The following ERMAP variants were observed in gnomAD, a reference collection of about 807,000 sequenced individuals.
ERMAP encodes erythroid membrane-associated protein.
A neutral mutation model predicts 49.5 loss-of-function variants in ERMAP; 34 were observed. The observed-to-expected ratio is 0.69, with a 90% CI of 0.52 to 0.91. The LOEUF (loss-of-function observed/expected upper bound fraction) is 0.91, where lower values mean the gene tolerates loss of function less well. ERMAP is among the 40% of genes least tolerant of loss of function. ERMAP has a pLI of 0.00. For synonymous variants in ERMAP, 214 were observed against 232.2 expected, an observed-to-expected ratio of 0.92 and a Z score of 0.71; for missense variants, 541 against 582.6, an observed-to-expected ratio of 0.93 and a Z score of 0.74.
chr1:42,830,918 T>C lies in ERMAP; in HGVS notation c.236T>C (p.Ile79Thr), dbSNP rs758090366. 9.3e-6 allele frequency: 15 copies of C among 1,614,146 alleles called. No individual in the cohort carries two copies. The East Asian group carries it at 3.3e-4, about 36-fold the overall frequency. ...CCGCAGCGCTCCCAGGCTGTTCACA[T>C]ATTCCGGGATGGGAAGGACCAGGAT... ...PFPQRSQAVH[I>T]FRDGKDQDED... is the part of the protein sequence containing the mutation. Residue 79 changes from isoleucine (I) to threonine (T), a missense_variant, in exon 4 of 12, where the codon ATA becomes ACA. Ile to Thr is a moderately conservative substitution (Grantham distance 89, BLOSUM62 -1). Coordinates refer to ENST00000372517, the MANE Select transcript of ERMAP (RefSeq NM_001017922.2).
intron 11 of ERMAP, among the ~76,000 whole-genome samples, chr1:42,840,646 C>G (rs1655032567): frequency 6.6e-6 from 1 of 152,080 alleles, no homozygotes; most frequent in South Asian, 2.1e-4. Context: ...TTTGTGAAGA[C>G]TCTTTCTAGA....
intron 11 of ERMAP, 43 bp downstream of exon 11, chr1:42,840,339 C>T: frequency 6.2e-7 from 1 of 1,612,412 alleles, no homozygotes; most frequent in Non-Finnish European, 8.5e-7. Flanking sequence ...CAGAGCACTT[C>T]CTCCTTATGG....
At position 42,819,004 on chromosome 1, in the gene ERMAP, A is replaced by T. The variant is rs1377395523; in HGVS notation, c.-122+1751A>T. On this transcript the variant is annotated intron_variant, in intron 1 of 11. Transcript: ENST00000372517. This position sits in a 1 kb window ranked among gnomAD's most constrained non-coding sequence, Gnocchi z 5.1. ...ACTAGATTACAGCTGAAGACACGGC[A>T]GGACCTTTAGAAGCCAGCTAAAAAC... 6.6e-6 allele frequency among the ~76,000 whole-genome samples: 1 copy of T among 152,212 alleles called. No homozygotes were observed. Among genetic ancestry groups the T allele is most frequent in the African/African-American group, 2.4e-5 (1 of 41,466 alleles).
intron 2 of ERMAP, among the ~76,000 whole-genome samples, chr1:42,826,974 G>A (rs923020213): frequency 2.6e-5 from 4 of 151,862 alleles, no homozygotes; most frequent in African/African-American, 4.8e-5. Flanking sequence ...TTATAATAGC[G>A]ATGTATTGGA....
At chr1:42,833,243 A>G (rs1329275133) in intron 4 of ERMAP, among the ~76,000 whole-genome samples, 1 of 152,250 alleles carries the variant, frequency 6.6e-6, no homozygotes, top group African/African-American at 2.4e-5. Context: ...AATTCTAAGA[A>G]TAAAGCATAT....
At position 42,843,164 on chromosome 1, in the gene ERMAP, GAT is replaced by G; in HGVS notation, c.1364_1365del (p.Ile455AsnfsTer7). 3 of 1,613,952 alleles carry G rather than the reference GAT, an allele frequency of 1.9e-6. No homozygotes were observed. Among genetic ancestry groups the G allele is most frequent in the Non-Finnish European group, 2.5e-6 (3 of 1,179,960 alleles). Reference sequence around the variant, plus strand: ...ACCCCCGAAGGCCCCAGAGCTGAAGGATATAATCCTGTCCTTGCCCCCTGACC... The same window carrying G: ...ACCCCCGAAGGCCCCAGAGCTGAAGGATAATCCTGTCCTTGCCCCCTGACC... ...LLPPKAPELKDIILSLPPDLG... is the reference protein window; with the variant it reads ...LLPPKAPELKXIILSLPPDLG... On this transcript the variant is annotated frameshift_variant, in exon 12 of 12. Transcript: ENST00000372517. LOFTEE classifies it high-confidence loss of function.
chr1:42,833,615 G>A (rs1018729218), intron 4 of ERMAP, among the ~76,000 whole-genome samples: 1 of 152,144 alleles, frequency 6.6e-6, no homozygotes, highest in Admixed American at 6.5e-5. Context: ...AGGGTGCAAT[G>A]AACATCTTTG....
At chr1:42,818,380 AG>A (rs745428270) in intron 1 of ERMAP, among the ~76,000 whole-genome samples, 122 of 152,378 alleles carry the variant, frequency 8.0e-4, no homozygotes, top group Non-Finnish European at 1.3e-3. Flanking sequence ...AGTGGCTAGG[AG>A]AGAGGGAAAA....
intron 1 of ERMAP, 89 bp downstream of exon 1, chr1:42,817,342 G>GCGCAGGGC (rs1265445024): frequency 2.2e-6 from 2 of 905,186 alleles, no homozygotes; most frequent in East Asian, 1.1e-4. Flanking sequence ...GGGGGGAGGG[G>GCGCAGGGC]CGCAGGGCCG....
At chr1:42,831,573 CTCTT>C (rs1557609266) in intron 4 of ERMAP, among the ~76,000 whole-genome samples, 2 of 29,390 alleles carry the variant, frequency 6.8e-5, no homozygotes, top group Non-Finnish European at 1.3e-4. Context: ...TTTTTTTTTT[CTCTT>C]TTTTTTTTTT....
At chr1:42,831,577 T>TTC (rs1557609306) in intron 4 of ERMAP, among the ~76,000 whole-genome samples, 2 of 71,348 alleles carry the variant, frequency 2.8e-5, no homozygotes, top group Non-Finnish European at 2.4e-5. Flanking sequence ...TTTTTTCTCT[T>TTC]TTTTTTTTTT....
At chr1:42,839,695 G>A (rs1570546204) in intron 8 of ERMAP, 1 of 421,030 alleles carries the variant, frequency 2.4e-6, no homozygotes, top group Non-Finnish European at 4.3e-6. Context: ...TGATCACAAA[G>A]TCCAATACTC....
At chr1:42,835,497 G>T (rs908527607) in intron 5 of ERMAP, among the ~76,000 whole-genome samples, 6 of 152,154 alleles carry the variant, frequency 3.9e-5, no homozygotes, top group Admixed American at 3.9e-4. Flanking sequence ...CATAAAAAAT[G>T]GTCACATTTC....
chr1:42,834,523 C>A (rs1402505400), intron 4 of ERMAP, among the ~76,000 whole-genome samples: 1 of 152,074 alleles, frequency 6.6e-6, no homozygotes, highest in African/African-American at 2.4e-5. Context: ...AAACCATTCC[C>A]GAGAGAGGAA....
Position 42,830,910 on chromosome 1 carries a change from T to C in ERMAP, c.228T>C (p.Ala76=). The change falls in exon 4 of 12, where the codon GCT becomes GCC. Residue 76 remains alanine (A), a synonymous_variant. Coordinates refer to ENST00000372517, the MANE Select transcript of ERMAP (RefSeq NM_001017922.2). ...CCCCATTCCCGCAGCGCTCCCAGGC[T>C]GTTCACATATTCCGGGATGGGAAGG... ...LRSPFPQRSQ[A]VHIFRDGKDQ... is the part of the protein sequence containing the mutation. 6.2e-7 allele frequency: 1 copy of C among 1,614,164 alleles called. No individual in the cohort carries two copies. The highest frequency in any genetic ancestry group is 8.5e-7 in the Non-Finnish European group (1 of 1,180,020).
rs1224000015 is a variant in ERMAP at position 42,830,508 on chromosome 1, C to T, written c.60C>T (p.Phe20=). ...CTGGCTGCCTCATCCCTCTCGTCTT[C>T]CTCCGGCTGTCTGTGCATGTGTCAG... is the stretch of plus-strand genomic sequence containing the variant. ...WLSGCLIPLV[F]LRLSVHVSGH... The change falls in exon 3 of 12, where the codon TTC becomes TTT. Residue 20 remains phenylalanine, a synonymous_variant. Transcript: ENST00000372517. The T allele has an allele frequency of 7.4e-6, 12 of 1,614,040 alleles. No individual in the cohort carries two copies. Among genetic ancestry groups the T allele is most frequent in the Middle Eastern group, 3.3e-4 (2 of 6,084 alleles).
chr1:42,835,157 A>G lies in ERMAP; in HGVS notation c.550+3A>G. 4 of 1,220,188 alleles carry G rather than the reference A, an allele frequency of 3.3e-6. No individual in the cohort carries two copies. Among genetic ancestry groups the G allele is most frequent in the Non-Finnish European group, 4.9e-6 (4 of 820,130 alleles). The allele number at this position is 1,220,188 out of a possible 1,614,324, so 75.6% of individuals were successfully genotyped here. On this transcript the variant is annotated splice_donor_region_variant and intron_variant, in intron 5 of 11. Coordinates refer to ENST00000372517, the MANE Select transcript of ERMAP (RefSeq NM_001017922.2). Reference sequence around the variant, plus strand: ...CTGGAAGCAAAGAAGAGCAAAAGGTAATTAAATGGTAAGGGAGCTCAGGCT... The same window carrying G: ...CTGGAAGCAAAGAAGAGCAAAAGGTGATTAAATGGTAAGGGAGCTCAGGCT...
At chr1:42,824,238 C>T (rs1236592242) in intron 1 of ERMAP, among the ~76,000 whole-genome samples, 1 of 151,838 alleles carries the variant, frequency 6.6e-6, no homozygotes, top group Non-Finnish European at 1.5e-5. Flanking sequence ...GTCCCAGCTA[C>T]TCCGGAGGCT....
In ERMAP at chr1:42,819,111, A is replaced by AGTGGAGAAGGT. The variant is rs1409381915; in HGVS notation, c.-122+1862_-122+1872dup. 5.3e-5 allele frequency among the ~76,000 whole-genome samples: 8 copies of AGTGGAGAAGGT among 151,772 alleles called. No homozygotes were observed. The highest frequency in any genetic ancestry group is 1.9e-4 in the African/African-American group (8 of 41,320). ...GTGGTGCCACTGAGCCACTGTTGAA[A>AGTGGAGAAGGT]GTGGAGAAGGTGTGATGAGTTGGTT... On this transcript the variant is annotated intron_variant, in intron 1 of 11. Coordinates refer to ENST00000372517, the MANE Select transcript of ERMAP (RefSeq NM_001017922.2). The surrounding 1 kb of genome is among the most constrained non-coding windows in gnomAD (Gnocchi z 5.1).
Sources: allele counts gnomAD v4.1 joint callset (sites outside exome capture counted in the v4.1 genomes callset), GRCh38; gene constraint gnomAD v4.1.1; non-coding constraint Gnocchi (gnomAD v3.1); transcripts MANE v1.5; gene names NCBI Gene and HGNC (gene_info 2026-07-23, HGNC 2026-07-21).